Variants in RRM2 observed in about 807,000 individuals in gnomAD.
The protein encoded by RRM2 is ribonucleotide reductase regulatory subunit M2.
In RRM2, 6 loss-of-function variants were observed where a neutral mutation model predicts 45.9. The observed-to-expected ratio is 0.13, with a 90% CI of 0.07 to 0.26. RRM2 has a LOEUF of 0.26. Ranked by LOEUF, RRM2 falls within the 10% of genes least tolerant of loss-of-function variation. The pLI is 1.00. For missense variants in RRM2, 343 were observed against 489.5 expected, an observed-to-expected ratio of 0.70 and a Z score of 2.82; for synonymous variants, 177 against 173.0, an observed-to-expected ratio of 1.02 and a Z score of -0.18.
chr2:10,184,576 C>T (rs888831502), intron 3 of RRM2, among the ~76,000 whole-genome samples: 2 of 152,234 alleles, frequency 1.3e-5, no homozygotes, highest in African/African-American at 4.8e-5. Context: ...CTGGGGCAGG[C>T]GGGACAGAGG....
chr2:10,199,294 G>GC (rs1558405895), intron 3 of RRM2: 1 of 135,458 alleles, frequency 7.4e-6, no homozygotes, highest in Non-Finnish European at 1.6e-5. Flanking sequence ...AAAAAGGGGG[G>GC]GGGGAAGGAA....
At chr2:10,165,108 C>A (rs992892010) in intron 3 of RRM2, among the ~76,000 whole-genome samples, 1 of 152,216 alleles carries the variant, frequency 6.6e-6, no homozygotes, top group Non-Finnish European at 1.5e-5. Flanking sequence ...CACATCACCA[C>A]ACCTAGCTGA....
At chr2:10,139,759 C>G (rs1038024278), upstream of RRM2, among the ~76,000 whole-genome samples, 1 of 152,192 alleles carries the variant, frequency 6.6e-6, no homozygotes, top group Non-Finnish European at 1.5e-5. Context: ...CTTTCTGGAA[C>G]ACAGAGAGTG....
At chr2:10,136,776 A>G (rs1292320407), upstream of RRM2, among the ~76,000 whole-genome samples, 3 of 152,128 alleles carry the variant, frequency 2.0e-5, no homozygotes, top group African/African-American at 7.2e-5. Context: ...CACTCTTAAA[A>G]ACAAATACCC....
intron 3 of RRM2, among the ~76,000 whole-genome samples, chr2:10,165,549 A>G (rs945807083): frequency 2.6e-5 from 4 of 152,264 alleles, no homozygotes; most frequent in Non-Finnish European, 5.9e-5. Context: ...TCCGCCGCTC[A>G]GCTGGGCAAA....
intron 3 of RRM2, among the ~76,000 whole-genome samples, chr2:10,157,986 A>G (rs1052677087): frequency 1.3e-5 from 2 of 152,198 alleles, no homozygotes; most frequent in Non-Finnish European, 2.9e-5. Flanking sequence ...GAATAAAGGA[A>G]TGAATGAGAG....
At chr2:10,190,324 G>A (rs1391271863) in intron 3 of RRM2, among the ~76,000 whole-genome samples, 1 of 139,754 alleles carries the variant, frequency 7.2e-6, no homozygotes, top group African/African-American at 2.8e-5. Flanking sequence ...ATGATGTGAT[G>A]GTGGTGGTGA....
chr2:10,157,607 C>T (rs781118340), intron 3 of RRM2, among the ~76,000 whole-genome samples: 7 of 152,018 alleles, frequency 4.6e-5, no homozygotes, highest in East Asian at 1.9e-4. Context: ...TTTTTGGTGC[C>T]CTTTTTTGGC....
intron 3 of RRM2, among the ~76,000 whole-genome samples, chr2:10,187,352 G>T (rs1367024782): frequency 6.6e-6 from 1 of 152,240 alleles, no homozygotes; most frequent in Non-Finnish European, 1.5e-5. Flanking sequence ...GGTGCCGCAG[G>T]CTCAGAGGGG....
intron 3 of RRM2, among the ~76,000 whole-genome samples, chr2:10,193,833 T>A (rs1426610879): frequency 6.6e-6 from 1 of 152,002 alleles, no homozygotes; most frequent in Admixed American, 6.5e-5. Flanking sequence ...AGAGCAAGCA[T>A]GAGATTGCAG....
intron 3 of RRM2, among the ~76,000 whole-genome samples, chr2:10,202,559 T>C (rs927384285): frequency 2.0e-5 from 3 of 152,152 alleles, no homozygotes; most frequent in Admixed American, 6.5e-5. Context: ...AGGTTCAGAA[T>C]GTTTCTGGTT....
rs991707389 is a variant in RRM2 at position 10,193,136 on chromosome 2, A to T, written n.483-17175A>T. On this transcript the variant is annotated intron_variant and non_coding_transcript_variant, in intron 3 of 3. Transcript: ENST00000381786. Reference sequence around the variant, plus strand: ...CCTCAGGTGGCCTCCTTGTTTTGCCAGCCCTCCCCCGTCGGTTCCTTGCTT... The same window carrying T: ...CCTCAGGTGGCCTCCTTGTTTTGCCTGCCCTCCCCCGTCGGTTCCTTGCTT... Among the ~76,000 whole-genome samples, 5 of 151,906 alleles carry T rather than the reference A, an allele frequency of 3.3e-5. No homozygotes were observed. In the South Asian group the frequency reaches 1.0e-3, roughly 32 times the overall value.
chr2:10,122,808 C>T lies in RRM2; in HGVS notation c.10C>T (p.Leu4Phe), dbSNP rs1238130743. Residue 4 changes from leucine (L) to phenylalanine (F), a missense_variant, in exon 1 of 10, where the codon CTC becomes TTC. Transcript: ENST00000304567. Reference protein sequence around the residue: MLSLRVPLAPITDP... With the variant: MLSFRVPLAPITDP... ...TCGCTGCGCCTCCACTATGCTCTCC[C>T]TCCGTGTCCCGCTCGCGCCCATCAC... 2.9e-5 allele frequency: 46 copies of T among 1,592,684 alleles called. No individual in the cohort carries two copies. The highest frequency in any genetic ancestry group is 3.8e-5 in the Non-Finnish European group (45 of 1,171,200).
chr2:10,126,156 T>A (rs1662773487), intron 5 of RRM2, among the ~76,000 whole-genome samples: 1 of 113,742 alleles, frequency 8.8e-6, no homozygotes, highest in Non-Finnish European at 1.7e-5. Flanking sequence ...GAGACCCTCA[T>A]CTCTTTAAAA....
At chr2:10,153,149 T>C (rs983461125) in intron 3 of RRM2, among the ~76,000 whole-genome samples, 1 of 151,946 alleles carries the variant, frequency 6.6e-6, no homozygotes, top group African/African-American at 2.4e-5. Context: ...CTAGCCAACA[T>C]TGTGAAATCC....
intron 3 of RRM2, among the ~76,000 whole-genome samples, chr2:10,150,016 A>G (rs1159435137): frequency 3.9e-5 from 6 of 152,096 alleles, no homozygotes; most frequent in African/African-American, 1.4e-4. Flanking sequence ...ATCTGTTTCC[A>G]TTGGAAATGG....
At chr2:10,210,609 G>T (rs764889477) in exon 4 of RRM2, 1 of 1,361,632 alleles carries the variant, frequency 7.3e-7, no homozygotes, top group Non-Finnish European at 9.8e-7. Flanking sequence ...CAGCAGATCT[G>T]CTGCTTTCAA....
intron 3 of RRM2, among the ~76,000 whole-genome samples, chr2:10,149,096 T>C (rs1453753196): frequency 6.6e-6 from 1 of 152,050 alleles, no homozygotes; most frequent in Non-Finnish European, 1.5e-5. Context: ...ATCTGTTTTG[T>C]GTGCTTGCTT....
At chr2:10,150,377 G>A (rs1032518926) in intron 3 of RRM2, among the ~76,000 whole-genome samples, 1 of 151,334 alleles carries the variant, frequency 6.6e-6, no homozygotes, top group African/African-American at 2.4e-5. Context: ...AATCTGGGAG[G>A]TGGAAGTTGC....
Sources: gnomAD v4.1 joint callset for allele counts (sites outside exome capture counted in the v4.1 genomes callset) on GRCh38, gnomAD v4.1.1 for gene constraint, MANE v1.5 for transcripts, NCBI Gene and HGNC (gene_info 2026-07-23, HGNC 2026-07-21) for gene names.